MICAL2: variants seen among roughly 807,000 people sequenced by gnomAD.
The protein encoded by MICAL2 is [F-actin]-monooxygenase MICAL2.
Under a neutral mutation model 127.3 loss-of-function variants are expected in MICAL2, and 77 were observed. The observed-to-expected ratio is 0.60, with a 90% CI of 0.50 to 0.73. The LOEUF (loss-of-function observed/expected upper bound fraction) is 0.73. Ranked by LOEUF, MICAL2 falls within the 30% of genes least tolerant of loss-of-function variation. MICAL2 has a pLI of 0.00. For missense variants in MICAL2, 1,351 were observed against 1,434.4 expected (o/e 0.94, Z 0.94); for synonymous variants, 570 against 551.1 (o/e 1.03, Z -0.48).
At chr11:12,186,721 CAG>C (rs1176830590) in intron 3 of MICAL2, among the ~76,000 whole-genome samples, 4 of 152,142 alleles carry the variant, frequency 2.6e-5, no homozygotes, top group African/African-American at 9.7e-5. Flanking sequence ...ACTGGGAGTG[CAG>C]AGAGTGGGAG....
intron 14 of MICAL2, among the ~76,000 whole-genome samples, chr11:12,226,821 T>C (rs1366485312): frequency 6.6e-6 from 1 of 151,712 alleles, no homozygotes; most frequent in African/African-American, 2.4e-5. Context: ...TCTGGCTAAT[T>C]TTTTTTGTAT....
At chr11:12,310,385 T>A (rs957637261) in intron 29 of MICAL2, among the ~76,000 whole-genome samples, 1 of 152,190 alleles carries the variant, frequency 6.6e-6, no homozygotes, top group Non-Finnish European at 1.5e-5. Context: ...GTTTCATTCT[T>A]CTGCACATGA....
At chr11:12,158,610 G>T (rs530115121) in intron 2 of MICAL2, among the ~76,000 whole-genome samples, 1 of 152,216 alleles carries the variant, frequency 6.6e-6, no homozygotes, top group Admixed American at 6.5e-5. Context: ...ACTTGTATTA[G>T]GTATTATAAG....
chr11:12,351,782 T>C (rs1939050051), intron 33 of MICAL2, among the ~76,000 whole-genome samples: 1 of 151,668 alleles, frequency 6.6e-6, no homozygotes, highest in East Asian at 1.9e-4. Flanking sequence ...TGATTTGTTG[T>C]ATTATAACTT....
intron 3 of MICAL2, among the ~76,000 whole-genome samples, chr11:12,166,154 G>A (rs1181727659): frequency 6.6e-6 from 1 of 152,130 alleles, no homozygotes; most frequent in East Asian, 1.9e-4. Context: ...TTGGACTCTG[G>A]TTATCTTTAT....
intron 1 of MICAL2, among the ~76,000 whole-genome samples, chr11:12,134,124 C>T (rs1009698694): frequency 6.6e-6 from 1 of 152,176 alleles, no homozygotes; most frequent in Non-Finnish European, 1.5e-5. Flanking sequence ...GTTGGATGAT[C>T]ATCCAGTTCC....
At chr11:12,294,796 A>AGCT (rs1295922220), downstream of MICAL2, 2 of 1,440,426 alleles carry the variant, frequency 1.4e-6, no homozygotes, top group African/African-American at 4.3e-5. Flanking sequence ...TGCGCCAGGC[A>AGCT]GCTCCTCCTC....
At chr11:12,290,366 C>T (rs866639255), downstream of MICAL2, among the ~76,000 whole-genome samples, 5 of 152,164 alleles carry the variant, frequency 3.3e-5, no homozygotes, top group African/African-American at 9.6e-5. Context: ...CCTGAGGTGG[C>T]CCTGGCTTCC....
At chr11:12,242,605 GA>G in intron 19 of MICAL2, 65 bp from the exon 20 acceptor site, 1 of 1,520,548 alleles carries the variant, frequency 6.6e-7, no homozygotes, top group African/African-American at 1.4e-5. Context: ...CCACTTCTTG[GA>G]AGCCAACTGT....
chr11:12,126,705 T>TA (rs5789711), intron 1 of MICAL2, among the ~76,000 whole-genome samples: 18,652 of 144,238 alleles, frequency 0.13, 2,483 homozygotes, highest in African/African-American at 0.34. Flanking sequence ...CTTATGTGTG[T>TA]AAAAAAAAAA....
At chr11:12,279,316 C>T (rs970227153) in intron 1 of MICAL2, among the ~76,000 whole-genome samples, 4 of 151,992 alleles carry the variant, frequency 2.6e-5, no homozygotes, top group East Asian at 3.9e-4. Flanking sequence ...GTGGAGTGAA[C>T]GAGTAGATGT....
At chr11:12,160,602 A>G (rs1005205685) in intron 2 of MICAL2, among the ~76,000 whole-genome samples, 3 of 152,302 alleles carry the variant, frequency 2.0e-5, no homozygotes, top group East Asian at 3.9e-4. Flanking sequence ...TGGAATGTCC[A>G]CTGCCCAGTC....
At chr11:12,214,269 T>C (rs558132065) in intron 7 of MICAL2, among the ~76,000 whole-genome samples, 1 of 152,226 alleles carries the variant, frequency 6.6e-6, no homozygotes, top group Non-Finnish European at 1.5e-5. Flanking sequence ...TGAAAAGCAA[T>C]GTAACAACAA....
intron 32 of MICAL2, among the ~76,000 whole-genome samples, chr11:12,335,773 G>A (rs1425396070): frequency 6.6e-6 from 1 of 152,184 alleles, no homozygotes. Context: ...TAGATATGCA[G>A]CATTATTTCT....
chr11:12,281,047 C>A, exon 2 of MICAL2: 1 of 399,020 alleles, frequency 2.5e-6, no homozygotes, highest in Non-Finnish European at 4.4e-6. Context: ...TAGGGGAGGC[C>A]CTGAGCAGGG....
At chr11:12,158,679 G>T (rs1055276288) in intron 2 of MICAL2, among the ~76,000 whole-genome samples, 10 of 152,134 alleles carry the variant, frequency 6.6e-5, no homozygotes, top group African/African-American at 2.4e-4. Context: ...TGCAAACATG[G>T]CATCATTTTA....
chr11:12,257,465 C>T (rs1387722647), intron 24 of MICAL2, among the ~76,000 whole-genome samples: 3 of 152,178 alleles, frequency 2.0e-5, no homozygotes, highest in Admixed American at 6.5e-5. Flanking sequence ...TCATGCTCAT[C>T]GGAACGAATG....
intron 32 of MICAL2, among the ~76,000 whole-genome samples, chr11:12,336,349 T>C (rs1938756693): frequency 6.6e-6 from 1 of 152,216 alleles, no homozygotes; most frequent in African/African-American, 2.4e-5. Context: ...TAAGGAGATT[T>C]TGGGCTGAGA....
chr11:12,281,260 G>T (rs1863767539), intron 2 of MICAL2, among the ~76,000 whole-genome samples: 1 of 152,234 alleles, frequency 6.6e-6, no homozygotes, highest in East Asian at 1.9e-4. Context: ...GCAAGTGGCA[G>T]TGAAGGGACT....
Sources: gnomAD v4.1 joint callset for allele counts (sites outside exome capture counted in the v4.1 genomes callset) on GRCh38, gnomAD v4.1.1 for gene constraint, MANE v1.5 for transcripts, NCBI Gene and HGNC (gene_info 2026-07-23, HGNC 2026-07-21) for gene names.